Variants in DOCK4 observed in about 807,000 individuals in gnomAD.
DOCK4 encodes dedicator of cytokinesis protein 4.
In DOCK4, 97 loss-of-function variants were observed where a neutral mutation model predicts 268.1. The ratio of observed to expected loss-of-function variants is 0.36; its 90% CI spans 0.31 to 0.43. The LOEUF (loss-of-function observed/expected upper bound fraction) is 0.43. DOCK4 is among the 20% of genes least tolerant of loss of function. The probability of loss-of-function intolerance (pLI) is 1.00; values close to 1 mark genes in which losing one functional copy is unlikely to be tolerated. For synonymous variants in DOCK4, 954 were observed against 887.2 expected (o/e 1.08, Z -1.34); for missense variants, 2,145 against 2,455.7 (o/e 0.87, Z 2.67).
chr7:111,866,298 T>C (rs1056413874), intron 22 of DOCK4, among the ~76,000 whole-genome samples: 12 of 152,204 alleles, frequency 7.9e-5, no homozygotes, highest in African/African-American at 2.9e-4. Flanking sequence ...TAAAGAAAAC[T>C]AACCATTTTA....
intron 12 of DOCK4, chr7:111,935,240 G>A: frequency 2.6e-6 from 1 of 386,730 alleles, no homozygotes; most frequent in East Asian, 6.4e-5. Context: ...GAGCCACCGT[G>A]CCTGGCTGAT....
intron 8 of DOCK4, 41 bp from the exon 9 acceptor site, chr7:111,945,839 A>G (rs1795576915): frequency 6.2e-6 from 9 of 1,463,236 alleles, no homozygotes; most frequent in Admixed American, 2.0e-5. Flanking sequence ...AAATTATTTA[A>G]TAGTTAAAGA....
intron 30 of DOCK4, among the ~76,000 whole-genome samples, chr7:111,791,490 C>G (rs1009676355): frequency 5.9e-5 from 9 of 151,582 alleles, no homozygotes; most frequent in Non-Finnish European, 7.4e-5. Flanking sequence ...TGCTCTGTCA[C>G]CCAGGCTGGA....
At chr7:111,890,589 A>T (rs1808206476) in intron 16 of DOCK4, among the ~76,000 whole-genome samples, 1 of 152,190 alleles carries the variant, frequency 6.6e-6, no homozygotes, top group Admixed American at 6.5e-5. Context: ...CAATCAAGTG[A>T]TGTTGAAAAT....
At chr7:112,202,857 C>G (rs1414074734) in intron 1 of DOCK4, among the ~76,000 whole-genome samples, 1 of 151,888 alleles carries the variant, frequency 6.6e-6, no homozygotes, top group East Asian at 1.9e-4. Flanking sequence ...CAGTCACTGC[C>G]CATGGAGCTC....
chr7:111,907,656 G>C (rs1373616592), intron 13 of DOCK4, among the ~76,000 whole-genome samples: 1 of 152,204 alleles, frequency 6.6e-6, no homozygotes, highest in Non-Finnish European at 1.5e-5. Context: ...AAGCTAAGCG[G>C]TGTGGGGGTC....
chr7:111,939,992 G>A (rs1475725153), intron 11 of DOCK4, 118 bp downstream of exon 11: 5 of 1,016,318 alleles, frequency 4.9e-6, no homozygotes, highest in Non-Finnish European at 7.3e-6. Context: ...GGTTTTTGAG[G>A]AATGGCTCAT....
chr7:111,792,478 G>A (rs1799614671), intron 30 of DOCK4, among the ~76,000 whole-genome samples: 1 of 152,056 alleles, frequency 6.6e-6, no homozygotes, highest in Non-Finnish European at 1.5e-5. Context: ...TGCCTCCCAG[G>A]CTCAAGTGAT....
chr7:112,187,869 A>C (rs1819606328), intron 1 of DOCK4, among the ~76,000 whole-genome samples: 1 of 151,934 alleles, frequency 6.6e-6, no homozygotes, highest in Non-Finnish European at 1.5e-5. Context: ...CCTTTTTTTC[A>C]CAACTGAAAA....
chr7:111,984,568 C>A (rs1798902737), intron 6 of DOCK4, among the ~76,000 whole-genome samples, 178 bp from the exon 7 acceptor site: 1 of 152,156 alleles, frequency 6.6e-6, no homozygotes. Flanking sequence ...GGACACTGGG[C>A]AAAACTTAAA....
At chr7:112,018,179 A>AAAAAAAAAAAAAAAAAAAAAAACAC in intron 1 of DOCK4, among the ~76,000 whole-genome samples, 4 of 72,630 alleles carry the variant, frequency 5.5e-5, no homozygotes, top group East Asian at 4.0e-4. Flanking sequence ...AAAAAAAAAA[A>AAAAAAAAAAAAAAAAAAAAAAACAC]ACACAGGCAA....
intron 8 of DOCK4, among the ~76,000 whole-genome samples, chr7:111,948,475 AG>A (rs1795799626): frequency 6.6e-6 from 1 of 152,196 alleles, no homozygotes; most frequent in Non-Finnish European, 1.5e-5. Context: ...CAAGAGTTCA[AG>A]GTAACTTTCT....
At chr7:111,892,908 T>C (rs190419364) in intron 16 of DOCK4, among the ~76,000 whole-genome samples, 3 of 152,308 alleles carry the variant, frequency 2.0e-5, no homozygotes, top group South Asian at 2.1e-4. Flanking sequence ...AATAACCCTA[T>C]TCATAAGAAA....
intron 13 of DOCK4, among the ~76,000 whole-genome samples, chr7:111,910,489 CAG>C (rs1423122785): frequency 6.6e-5 from 10 of 152,202 alleles, no homozygotes; most frequent in Non-Finnish European, 1.2e-4. Flanking sequence ...AGGTTGAAAA[CAG>C]AGTGTAAAAT....
At chr7:111,754,336 C>G (rs1453403198) in intron 42 of DOCK4, among the ~76,000 whole-genome samples, 2 of 152,028 alleles carry the variant, frequency 1.3e-5, no homozygotes, top group African/African-American at 2.4e-5. Flanking sequence ...CATGATAGGC[C>G]GAGAGTAGTT....
At chr7:111,975,138 G>A (rs1342663536) in intron 8 of DOCK4, among the ~76,000 whole-genome samples, 2 of 152,136 alleles carry the variant, frequency 1.3e-5, no homozygotes, top group Middle Eastern at 3.2e-3. Flanking sequence ...GTGGTGGCGG[G>A]TGTCTGTAAT....
chr7:111,737,002 A>G lies in DOCK4; in HGVS notation c.5233-13T>C. 2 of 1,598,202 alleles carry G rather than the reference A, an allele frequency of 1.3e-6. No homozygotes were observed. Among genetic ancestry groups the G allele is most frequent in the East Asian group, 2.2e-5 (1 of 44,458 alleles). ...TAAACAGCATCCTCTGCAAAGTTAC[A>G]AGGGTTGATTTTTATGATGTGATAT... On this transcript the variant is annotated splice_polypyrimidine_tract_variant and intron_variant, in intron 49 of 52. Coordinates refer to ENST00000428084, the MANE Select transcript of DOCK4 (RefSeq NM_001363540.2).
chr7:111,846,172 C>T (rs986231964), intron 24 of DOCK4, among the ~76,000 whole-genome samples: 10 of 152,126 alleles, frequency 6.6e-5, no homozygotes, highest in African/African-American at 1.7e-4. Context: ...AGAAGCTGAT[C>T]GTAAGTGACA....
chr7:112,022,443 GCTC>G (rs1260109493), intron 1 of DOCK4, among the ~76,000 whole-genome samples: 1 of 152,194 alleles, frequency 6.6e-6, no homozygotes, highest in Non-Finnish European at 1.5e-5. Context: ...TGTAATTACT[GCTC>G]CTTGAGAGGG....
Sources: allele counts gnomAD v4.1 joint callset (sites outside exome capture counted in the v4.1 genomes callset), GRCh38; gene constraint gnomAD v4.1.1; transcripts MANE v1.5; gene names NCBI Gene and HGNC (gene_info 2026-07-23, HGNC 2026-07-21).